Variants in SV2B observed in about 807,000 individuals in gnomAD.
SV2B encodes the protein synaptic vesicle glycoprotein 2B, also known as solute carrier family 22 member B2.
In SV2B, 41 loss-of-function variants were observed where a neutral mutation model predicts 73.9. The observed-to-expected ratio is 0.56, with a 90% confidence interval of 0.43 to 0.72. SV2B has a LOEUF of 0.72. Among genes scored for constraint, SV2B ranks in the 30% least tolerant of loss-of-function variants. The pLI, the probability that SV2B is intolerant of heterozygous loss-of-function variation, is 0.00. For synonymous variants in SV2B, 314 were observed against 314.2 expected, an observed-to-expected ratio of 1.00 and a Z score of 0.01; for missense variants, 764 against 857.8, an observed-to-expected ratio of 0.89 and a Z score of 1.37.
intron 1 of SV2B, among the ~76,000 whole-genome samples, chr15:91,120,647 C>T (rs60604240): frequency 2.0e-5 from 3 of 151,780 alleles, no homozygotes; most frequent in Non-Finnish European, 4.4e-5. Flanking sequence ...AACCCCATCT[C>T]TACAAAAAAT....
At chr15:91,167,015 G>C (rs559604465) in intron 1 of SV2B, among the ~76,000 whole-genome samples, 1 of 151,886 alleles carries the variant, frequency 6.6e-6, no homozygotes, top group Non-Finnish European at 1.5e-5. Flanking sequence ...GGGTTTCACC[G>C]TGTTATCCAG....
intron 1 of SV2B, among the ~76,000 whole-genome samples, chr15:91,119,154 G>C (rs181124601): frequency 6.6e-6 from 1 of 152,310 alleles, no homozygotes; most frequent in Admixed American, 6.5e-5. Flanking sequence ...AGGAGCAAAG[G>C]GTTGGCATTT....
At chr15:91,103,463 C>T (rs1367323003) in intron 1 of SV2B, among the ~76,000 whole-genome samples, 1 of 152,174 alleles carries the variant, frequency 6.6e-6, no homozygotes, top group African/African-American at 2.4e-5. Flanking sequence ...GTGTTGGGAT[C>T]ATCTGGAAAT....
At position 91,294,283 on chromosome 15, in the gene SV2B, T is replaced by C. The variant is rs1189603542; in HGVS notation, c.*1731T>C. ...TAATTTTCCTCAATTAACGGGTTGG[T>C]AGGGGTAAATCTTATGACACCTTTC... On this transcript the variant is annotated 3_prime_UTR_variant, in exon 13 of 13. Coordinates refer to ENST00000394232, the MANE Select transcript of SV2B (RefSeq NM_001323032.3). This position sits in a 1 kb window ranked among gnomAD's most constrained non-coding sequence, Gnocchi z 4.1. The C allele has an allele frequency of 6.6e-6, 1 of 152,184 alleles. No individual in the cohort carries two copies. The highest frequency in any genetic ancestry group is 1.5e-5 in the Non-Finnish European group (1 of 68,034). The allele number at this position is 152,184 out of a possible 1,614,324, so 9.4% of individuals were successfully genotyped here. A position where few individuals can be genotyped will look rare whatever the true frequency, so the allele number is the denominator to read the frequency against.
chr15:91,286,539 C>T (rs183307207), intron 11 of SV2B, among the ~76,000 whole-genome samples: 505 of 152,198 alleles, frequency 3.3e-3, no homozygotes, highest in African/African-American at 8.8e-3. Context: ...GTGCTTAAGG[C>T]GCAAATGATC....
intron 1 of SV2B, among the ~76,000 whole-genome samples, chr15:91,204,120 C>T (rs2045555415): frequency 6.6e-6 from 1 of 152,196 alleles, no homozygotes; most frequent in Non-Finnish European, 1.5e-5. Flanking sequence ...AGGCTTCCAA[C>T]TGCAGTTTAC....
In SV2B at chr15:91,130,766, T is replaced by C. The variant is rs904799431; in HGVS notation, c.-392+30403T>C. On this transcript the variant is annotated intron_variant, in intron 1 of 12. Coordinates refer to ENST00000394232, the MANE Select transcript of SV2B (RefSeq NM_001323032.3). This position sits in a 1 kb window ranked among gnomAD's most constrained non-coding sequence, Gnocchi z 5.6. ...TGGCGGTGCACGGTTCAGTGAGTCCTTCAAGACGTTCGGAGGTGAAAGCAA... is the reference window on the plus strand; with the variant it reads ...TGGCGGTGCACGGTTCAGTGAGTCCCTCAAGACGTTCGGAGGTGAAAGCAA... 6.6e-6 allele frequency among the ~76,000 whole-genome samples: 1 copy of C among 152,166 alleles called. No homozygotes were observed. Among genetic ancestry groups the C allele is most frequent in the African/African-American group, 2.4e-5 (1 of 41,446 alleles).
At chr15:91,275,345 G>A (rs2048449870) in intron 9 of SV2B, among the ~76,000 whole-genome samples, 1 of 152,088 alleles carries the variant, frequency 6.6e-6, no homozygotes. Context: ...ATCATAATGT[G>A]CCTTCAAGTA....
intron 1 of SV2B, among the ~76,000 whole-genome samples, chr15:91,101,225 G>C (rs996510520): frequency 6.6e-6 from 1 of 152,066 alleles, no homozygotes; most frequent in African/African-American, 2.4e-5. Context: ...TTGGGGCTCA[G>C]AGAGTGGCAG....
At chr15:91,173,249 G>A (rs566162030) in intron 1 of SV2B, among the ~76,000 whole-genome samples, 1 of 152,276 alleles carries the variant, frequency 6.6e-6, no homozygotes, top group East Asian at 1.9e-4. Flanking sequence ...ACAGAGAGAA[G>A]CCGATAAAGC....
rs1029761824 is a variant in SV2B at position 91,283,306 on chromosome 15, C to G, written c.1508-715C>G. On this transcript the variant is annotated intron_variant, in intron 10 of 12. Coordinates refer to ENST00000394232, the MANE Select transcript of SV2B (RefSeq NM_001323032.3). The surrounding 1 kb of genome is among the most constrained non-coding windows in gnomAD (Gnocchi z 4.3). Reference sequence around the variant, plus strand: ...TGGGCTCTGGAGTGATCGGCTCCATCTGGAACCAACTCTCTTGTGTTCTGC... The same window carrying G: ...TGGGCTCTGGAGTGATCGGCTCCATGTGGAACCAACTCTCTTGTGTTCTGC... 6.6e-6 allele frequency among the ~76,000 whole-genome samples: 1 copy of G among 152,220 alleles called. No homozygotes were observed. Among genetic ancestry groups the G allele is most frequent in the Non-Finnish European group, 1.5e-5 (1 of 68,046 alleles).
chr15:91,133,864 C>G (rs1328563090), intron 1 of SV2B, among the ~76,000 whole-genome samples: 1 of 152,140 alleles, frequency 6.6e-6, no homozygotes, highest in Non-Finnish European at 1.5e-5. Flanking sequence ...ATGGTGATCA[C>G]ATTTGGGGTT....
chr15:91,190,819 G>T (rs2044981895), intron 1 of SV2B, among the ~76,000 whole-genome samples: 1 of 151,920 alleles, frequency 6.6e-6, no homozygotes, highest in Non-Finnish European at 1.5e-5. Context: ...TTTAGTGAAG[G>T]AAATATTACA....
intron 1 of SV2B, among the ~76,000 whole-genome samples, chr15:91,119,321 G>A (rs1349239275): frequency 6.6e-6 from 1 of 152,198 alleles, no homozygotes; most frequent in Non-Finnish European, 1.5e-5. Context: ...CATTTGAGAC[G>A]CGAGTACAGA....
chr15:91,216,886 CTTT>C (rs557223668), intron 1 of SV2B, among the ~76,000 whole-genome samples: 6 of 126,566 alleles, frequency 4.7e-5, no homozygotes, highest in African/African-American at 3.2e-5. Flanking sequence ...GAATAACTAC[CTTT>C]TTTTTTTTTT....
intron 1 of SV2B, among the ~76,000 whole-genome samples, chr15:91,193,470 C>T (rs999219439): frequency 1.3e-5 from 2 of 152,172 alleles, no homozygotes; most frequent in East Asian, 1.9e-4. Flanking sequence ...TGATCCAGAC[C>T]GTCTGTGCTT....
Position 91,284,190 on chromosome 15 carries a change from C to G in SV2B, c.1677C>G (p.Leu559=), listed in dbSNP as rs903529305. 2 of 1,614,158 alleles carry G rather than the reference C, an allele frequency of 1.2e-6. No homozygotes were observed. The highest frequency in any genetic ancestry group is 1.6e-4 in the Middle Eastern group (1 of 6,062). ...CCGGGAACATCATTTCTGCCCTGCT[C>G]ATGGATAGAATTGGAAGGCTCAAGA... The part of the protein sequence containing the change: ...VLPGNIISAL[L]MDRIGRLKMI... Residue 559 remains leucine (L), a synonymous_variant, in exon 11 of 13, where the codon CTC becomes CTG. Coordinates refer to ENST00000394232, the MANE Select transcript of SV2B (RefSeq NM_001323032.3). This position sits in a 1 kb window ranked among gnomAD's most constrained non-coding sequence, Gnocchi z 4.5.
At chr15:91,221,782 A>T (rs1186369984) in intron 1 of SV2B, among the ~76,000 whole-genome samples, 1 of 152,000 alleles carries the variant, frequency 6.6e-6, no homozygotes, top group Non-Finnish European at 1.5e-5. Flanking sequence ...TTTATTAAAA[A>T]CCAGGACCAC....
chr15:91,146,991 C>T (rs1332530264), intron 1 of SV2B, among the ~76,000 whole-genome samples: 1 of 152,192 alleles, frequency 6.6e-6, no homozygotes. Context: ...AGCCATATAA[C>T]TCAATTCATG....
Sources: gnomAD v4.1 joint callset for allele counts (sites outside exome capture counted in the v4.1 genomes callset) on GRCh38, gnomAD v4.1.1 for gene constraint, Gnocchi (gnomAD v3.1) non-coding constraint, MANE v1.5 for transcripts, NCBI Gene and HGNC (gene_info 2026-07-23, HGNC 2026-07-21) for gene names.